Variants in IDE observed in about 807,000 individuals in gnomAD.
IDE encodes the protein insulin-degrading enzyme.
A neutral mutation model predicts 133.2 loss-of-function variants in IDE; 58 were observed. That is an observed-to-expected ratio of 0.44 (90% CI 0.35 to 0.54). The LOEUF (loss-of-function observed/expected upper bound fraction) is 0.54. IDE is among the 20% of genes least tolerant of loss of function. The pLI, the probability that IDE is intolerant of heterozygous loss-of-function variation, is 0.00. For missense variants in IDE, 981 were observed against 1,234.0 expected (o/e 0.79, Z 3.07); for synonymous variants, 396 against 421.3 (o/e 0.94, Z 0.73).
rs1216695632 is a variant in IDE, at chr10:92,452,779, G to C, written c.*1665C>G. 7.0e-6 allele frequency: 1 copy of C among 142,072 alleles called. No individual in the cohort carries two copies. Among genetic ancestry groups the C allele is most frequent in the Non-Finnish European group, 1.6e-5 (1 of 62,862 alleles). The allele number at this position is 142,072 out of a possible 1,614,324, so 8.8% of individuals were successfully genotyped here. Reference sequence around the variant, plus strand: ...TTTCAGATCTGTCTTGTATATACTTGCAGTTTAATGAAAAGCTGCATAGTC... The same window carrying C: ...TTTCAGATCTGTCTTGTATATACTTCCAGTTTAATGAAAAGCTGCATAGTC... On this transcript the variant is annotated 3_prime_UTR_variant, in exon 25 of 25. Coordinates refer to ENST00000265986, the MANE Select transcript of IDE (RefSeq NM_004969.4).
intron 1 of IDE, among the ~76,000 whole-genome samples, chr10:92,549,760 T>C (rs1359002201): frequency 6.6e-6 from 1 of 152,026 alleles, no homozygotes; most frequent in Non-Finnish European, 1.5e-5. Context: ...ATAGATCCTA[T>C]TAGTCCCATT....
At chr10:92,473,498 G>C (rs1053164137) in intron 17 of IDE, among the ~76,000 whole-genome samples, 2 of 151,234 alleles carry the variant, frequency 1.3e-5, no homozygotes, top group Non-Finnish European at 2.9e-5. Flanking sequence ...AAGGAATTTT[G>C]GATTTTCAAG....
intron 12 of IDE, 125 bp from the exon 13 acceptor site, chr10:92,487,443 T>C (rs759815222): frequency 5.0e-5 from 41 of 822,132 alleles, no homozygotes; most frequent in Middle Eastern, 3.7e-4. Flanking sequence ...TTTTCCATCA[T>C]ATATAAAAGA....
At chr10:92,455,359 C>T (rs898411166) in intron 24 of IDE, among the ~76,000 whole-genome samples, 3 of 152,028 alleles carry the variant, frequency 2.0e-5, no homozygotes, top group African/African-American at 7.2e-5. Context: ...GCCTGTAATC[C>T]CAGCTACTCA....
At chr10:92,547,060 A>G (rs757714769) in intron 1 of IDE, among the ~76,000 whole-genome samples, 3 of 152,154 alleles carry the variant, frequency 2.0e-5, no homozygotes, top group Non-Finnish European at 4.4e-5. Context: ...GGCAGCTTAA[A>G]GACACCTGTC....
chr10:92,484,732 C>CAA (rs149753278), intron 13 of IDE, among the ~76,000 whole-genome samples: 6 of 135,186 alleles, frequency 4.4e-5, no homozygotes, highest in Non-Finnish European at 6.4e-5. Flanking sequence ...GACTCTGTCT[C>CAA]AAAAAAAAAA....
intron 4 of IDE, among the ~76,000 whole-genome samples, chr10:92,522,639 G>C (rs1194308243): frequency 6.6e-6 from 1 of 152,048 alleles, no homozygotes; most frequent in Non-Finnish European, 1.5e-5. Context: ...TAAATTCTGG[G>C]CAACACTAAA....
chr10:92,464,457 A>C (rs1053856613), intron 20 of IDE, among the ~76,000 whole-genome samples: 1 of 152,138 alleles, frequency 6.6e-6, no homozygotes, highest in Non-Finnish European at 1.5e-5. Context: ...TGAACCAATT[A>C]ATTCAGAATG....
chr10:92,507,812 T>C, intron 8 of IDE, 146 bp from the exon 9 acceptor site: 1 of 640,256 alleles, frequency 1.6e-6, no homozygotes, highest in Non-Finnish European at 2.8e-6. Flanking sequence ...GCTTTACGTG[T>C]CCCACATACA....
At chr10:92,554,299 A>T (rs1295873099) in intron 1 of IDE, among the ~76,000 whole-genome samples, 1 of 152,220 alleles carries the variant, frequency 6.6e-6, no homozygotes, top group Non-Finnish European at 1.5e-5. Context: ...CATGCCTGTC[A>T]TCCCAGCATT....
At chr10:92,479,172 TAA>T in intron 15 of IDE, 103 bp downstream of exon 15, 2 of 628,976 alleles carry the variant, frequency 3.2e-6, no homozygotes, top group Non-Finnish European at 5.1e-6. Context: ...CCATAAAGAT[TAA>T]AAAAAAAAGA....
At chr10:92,548,765 T>C (rs975858756) in intron 1 of IDE, among the ~76,000 whole-genome samples, 1 of 152,324 alleles carries the variant, frequency 6.6e-6, no homozygotes, top group African/African-American at 2.4e-5. Flanking sequence ...AGGTAAATAA[T>C]TATCCCTTTA....
intron 14 of IDE, among the ~76,000 whole-genome samples, chr10:92,482,712 A>C (rs935236646): frequency 6.6e-6 from 1 of 152,142 alleles, no homozygotes; most frequent in Admixed American, 6.6e-5. Flanking sequence ...CATTTCAGCT[A>C]AAGGGCATAC....
chr10:92,461,156 A>T, intron 22 of IDE, 35 bp downstream of exon 22: 1 of 1,027,960 alleles, frequency 9.7e-7, no homozygotes, highest in Non-Finnish European at 1.5e-6. Context: ...ATACTTTCAT[A>T]TCAGTCAAAA....
chr10:92,570,552 A>T (rs1369753188), intron 1 of IDE, among the ~76,000 whole-genome samples: 2 of 152,206 alleles, frequency 1.3e-5, no homozygotes, highest in Non-Finnish European at 2.9e-5. Flanking sequence ...GCTAAAAGGT[A>T]GCCTGATCCT....
chr10:92,535,262 C>G (rs1564658264), intron 2 of IDE, among the ~76,000 whole-genome samples: 1 of 152,160 alleles, frequency 6.6e-6, no homozygotes. Context: ...CACCACCGCG[C>G]CCAGCTAATT....
intron 4 of IDE, among the ~76,000 whole-genome samples, chr10:92,516,769 A>T (rs7895832): frequency 0.1 from 15,230 of 152,196 alleles, 882 homozygotes; most frequent in South Asian, 0.17. Flanking sequence ...TAGACTGGTT[A>T]AAAAAAGGAT....
At chr10:92,567,828 C>T (rs1843624257) in intron 1 of IDE, among the ~76,000 whole-genome samples, 1 of 152,064 alleles carries the variant, frequency 6.6e-6, no homozygotes, top group African/African-American at 2.4e-5. Flanking sequence ...TAAAAATTAG[C>T]CAGGCATGGT....
chr10:92,486,590 T>A (rs1847011999), intron 13 of IDE, among the ~76,000 whole-genome samples: 1 of 151,860 alleles, frequency 6.6e-6, no homozygotes, highest in Non-Finnish European at 1.5e-5. Context: ...AGAAATACGT[T>A]TAGAAGGGAG....
Sources: gnomAD v4.1 joint callset for allele counts (sites outside exome capture counted in the v4.1 genomes callset) on GRCh38, gnomAD v4.1.1 for gene constraint, MANE v1.5 for transcripts, NCBI Gene and HGNC (gene_info 2026-07-23, HGNC 2026-07-21) for gene names.